CHCHD3: variants seen among roughly 807,000 people sequenced by gnomAD.
The protein encoded by CHCHD3 is coiled-coil-helix-coiled-coil-helix domain containing 3, also known as MICOS complex subunit MIC19.
A neutral mutation model predicts 38.2 loss-of-function variants in CHCHD3; 20 were observed. That is an observed-to-expected ratio of 0.52 (90% CI 0.37 to 0.76). The LOEUF is 0.76. Ranked by LOEUF, CHCHD3 falls within the 30% of genes least tolerant of loss-of-function variation. The probability of loss-of-function intolerance (pLI) is 0.00; values close to 1 mark genes in which losing one functional copy is unlikely to be tolerated. For missense variants in CHCHD3, 245 were observed against 279.2 expected (o/e 0.88, Z 0.87); for synonymous variants, 82 against 100.0 (o/e 0.82, Z 1.07).
At chr7:133,020,911 T>C (rs975788179) in intron 3 of CHCHD3, among the ~76,000 whole-genome samples, 6 of 148,058 alleles carry the variant, frequency 4.1e-5, no homozygotes, top group Middle Eastern at 6.9e-3. Context: ...TTGGTACAAC[T>C]GACATTTTGA....
At chr7:132,907,662 G>C (rs1166760448) in intron 4 of CHCHD3, among the ~76,000 whole-genome samples, 3 of 152,152 alleles carry the variant, frequency 2.0e-5, no homozygotes, top group Non-Finnish European at 4.4e-5. Context: ...TCATCCTGTA[G>C]GCCATGGGGG....
chr7:132,992,612 A>C (rs1479619184), intron 3 of CHCHD3, among the ~76,000 whole-genome samples: 1 of 152,196 alleles, frequency 6.6e-6, no homozygotes, highest in Non-Finnish European at 1.5e-5. Flanking sequence ...TGGATTTTGA[A>C]CACTTGGTAT....
chr7:132,945,999 A>G (rs1810890666), intron 4 of CHCHD3, among the ~76,000 whole-genome samples: 1 of 151,966 alleles, frequency 6.6e-6, no homozygotes, highest in African/African-American at 2.4e-5. Flanking sequence ...CTGTATGCAC[A>G]CTGTCCAAAG....
chr7:132,790,863 T>C (rs559740223), intron 7 of CHCHD3, among the ~76,000 whole-genome samples: 40 of 152,176 alleles, frequency 2.6e-4, no homozygotes, highest in African/African-American at 9.6e-4. Flanking sequence ...TCACCTACTG[T>C]TTCAATGGGA....
At chr7:133,014,670 T>TA (rs1428585320) in intron 3 of CHCHD3, among the ~76,000 whole-genome samples, 24 of 138,272 alleles carry the variant, frequency 1.7e-4, no homozygotes, top group Middle Eastern at 3.7e-3. Context: ...GTCTTCCATT[T>TA]TAAAAAAAAA....
intron 6 of CHCHD3, among the ~76,000 whole-genome samples, chr7:132,824,926 C>T (rs1481446986): frequency 6.6e-6 from 1 of 152,190 alleles, no homozygotes; most frequent in Non-Finnish European, 1.5e-5. Flanking sequence ...TGGTTTGTAC[C>T]TTCATGTTAG....
intron 6 of CHCHD3, among the ~76,000 whole-genome samples, chr7:132,806,414 G>A (rs534533585): frequency 1.3e-5 from 2 of 152,280 alleles, no homozygotes; most frequent in South Asian, 4.1e-4. Context: ...AAGAGACTGA[G>A]TCAGGCAGAC....
intron 4 of CHCHD3, among the ~76,000 whole-genome samples, chr7:132,898,508 C>T (rs1244283690): frequency 6.6e-6 from 1 of 152,226 alleles, no homozygotes; most frequent in Non-Finnish European, 1.5e-5. Flanking sequence ...AGGTTCTCCA[C>T]ATCCCCACCA....
At chr7:132,932,258 A>G (rs1184441292) in intron 4 of CHCHD3, among the ~76,000 whole-genome samples, 3 of 152,164 alleles carry the variant, frequency 2.0e-5, no homozygotes, top group Admixed American at 6.5e-5. Flanking sequence ...AGTTTTGCCA[A>G]TTAGAGCACA....
At chr7:132,948,398 G>C (rs1810950704) in intron 4 of CHCHD3, among the ~76,000 whole-genome samples, 1 of 152,098 alleles carries the variant, frequency 6.6e-6, no homozygotes. Flanking sequence ...AAGAGTGAGG[G>C]ACGGAGAAGG....
At chr7:133,065,590 C>T (rs1318829139) in intron 2 of CHCHD3, among the ~76,000 whole-genome samples, 4 of 152,122 alleles carry the variant, frequency 2.6e-5, no homozygotes, top group African/African-American at 9.7e-5. Context: ...TAATTTACTT[C>T]ACACTGAAAA....
At chr7:132,813,198 G>A (rs199540224) in intron 6 of CHCHD3, among the ~76,000 whole-genome samples, 2 of 152,156 alleles carry the variant, frequency 1.3e-5, no homozygotes, top group East Asian at 1.9e-4. Context: ...CATCAGCACC[G>A]TATTAGCCAG....
At chr7:132,962,963 TA>T (rs1811356688) in intron 4 of CHCHD3, among the ~76,000 whole-genome samples, 1 of 152,078 alleles carries the variant, frequency 6.6e-6, no homozygotes, top group Admixed American at 6.6e-5. Context: ...TAAAGAATAT[TA>T]TTGAGAAAAT....
chr7:132,809,850 C>T (rs930301168), intron 6 of CHCHD3, among the ~76,000 whole-genome samples: 60 of 152,088 alleles, frequency 3.9e-4, no homozygotes, highest in African/African-American at 1.3e-3. Flanking sequence ...TCTACAGCAG[C>T]GATAAGTTTC....
intron 3 of CHCHD3, among the ~76,000 whole-genome samples, chr7:133,005,312 T>G (rs1812671371): frequency 6.6e-6 from 1 of 152,240 alleles, no homozygotes; most frequent in Admixed American, 6.5e-5. Flanking sequence ...GAAGCGCATG[T>G]GTCTCTCTAG....
At chr7:132,839,885 T>C (rs546749347) in intron 5 of CHCHD3, among the ~76,000 whole-genome samples, 1 of 152,386 alleles carries the variant, frequency 6.6e-6, no homozygotes, top group East Asian at 1.9e-4. Context: ...TAATCTTATT[T>C]GGGCTACGAT....
chr7:132,943,257 T>C (rs1049503503), intron 4 of CHCHD3, among the ~76,000 whole-genome samples: 18 of 152,156 alleles, frequency 1.2e-4, no homozygotes, highest in African/African-American at 3.6e-4. Flanking sequence ...CAAGAACAGA[T>C]AAATCATACT....
At chr7:132,835,801 G>A (rs1193882325) in intron 6 of CHCHD3, among the ~76,000 whole-genome samples, 1 of 152,156 alleles carries the variant, frequency 6.6e-6, no homozygotes, top group Non-Finnish European at 1.5e-5. Context: ...TGGGGTGAGG[G>A]TCTTTGAGGA....
intron 7 of CHCHD3, among the ~76,000 whole-genome samples, chr7:132,790,462 T>A (rs947735887): frequency 6.6e-6 from 1 of 152,178 alleles, no homozygotes; most frequent in Non-Finnish European, 1.5e-5. Flanking sequence ...AGGATTCCTA[T>A]GATGGAAGAG....
Sources: gnomAD v4.1 joint callset for allele counts (sites outside exome capture counted in the v4.1 genomes callset) on GRCh38, gnomAD v4.1.1 for gene constraint, MANE v1.5 for transcripts, NCBI Gene and HGNC (gene_info 2026-07-23, HGNC 2026-07-21) for gene names.